Variants in KIF6 observed in about 807,000 individuals in gnomAD.
KIF6 encodes kinesin family member 6.
KIF6 carries 106 observed loss-of-function variants against 112.7 expected under a neutral mutation model. The observed-to-expected ratio is 0.94, with a 90% CI of 0.80 to 1.11. KIF6 has a LOEUF of 1.11. Among genes scored for constraint, KIF6 ranks in the 50% least tolerant of loss-of-function variants. The probability of loss-of-function intolerance (pLI) is 0.00; values close to 1 mark genes in which losing one functional copy is unlikely to be tolerated. For missense variants in KIF6, 929 were observed against 964.0 expected (o/e 0.96, Z 0.48); for synonymous variants, 339 against 339.9 (o/e 1.00, Z 0.03).
intron 13 of KIF6, among the ~76,000 whole-genome samples, chr6:39,486,566 A>T (rs910653304): frequency 2.6e-5 from 4 of 152,236 alleles, no homozygotes; most frequent in African/African-American, 9.6e-5. Flanking sequence ...ATAGTTTGTT[A>T]TGCAATTATA....
chr6:39,356,384 G>GC (rs1325374583), intron 19 of KIF6, among the ~76,000 whole-genome samples: 4 of 151,864 alleles, frequency 2.6e-5, no homozygotes, highest in Non-Finnish European at 5.9e-5. Flanking sequence ...TCCTGCCTCA[G>GC]CCCCCCAAGT....
intron 3 of KIF6, 36 bp from the exon 4 acceptor site, chr6:39,639,793 A>G (rs964072567): frequency 1.3e-6 from 2 of 1,582,840 alleles, no homozygotes; most frequent in Non-Finnish European, 1.7e-6. Context: ...CAATATCAAC[A>G]TGGCTAACTG....
At chr6:39,502,563 A>G (rs1035797405) in intron 13 of KIF6, among the ~76,000 whole-genome samples, 5 of 152,212 alleles carry the variant, frequency 3.3e-5, no homozygotes, top group African/African-American at 1.2e-4. Flanking sequence ...CAGGATAAAA[A>G]ACCTAGACCC....
At chr6:39,576,235 C>G (rs1780968927) in intron 10 of KIF6, among the ~76,000 whole-genome samples, 1 of 152,062 alleles carries the variant, frequency 6.6e-6, no homozygotes, top group Non-Finnish European at 1.5e-5. Flanking sequence ...AGCGATTCTC[C>G]TGCCTCAGCC....
At chr6:39,450,092 C>T (rs1029166657) in intron 13 of KIF6, among the ~76,000 whole-genome samples, 4 of 152,332 alleles carry the variant, frequency 2.6e-5, no homozygotes, top group East Asian at 1.9e-4. Context: ...CAAAATGCCA[C>T]GTATAAATGG....
At chr6:39,722,645 C>T (rs1041305272) in intron 1 of KIF6, among the ~76,000 whole-genome samples, 5 of 152,018 alleles carry the variant, frequency 3.3e-5, no homozygotes, top group African/African-American at 1.2e-4. Flanking sequence ...AAAAAAATTC[C>T]TTTGAGTCAC....
intron 13 of KIF6, among the ~76,000 whole-genome samples, chr6:39,498,588 T>C (rs948280159): frequency 3.3e-5 from 5 of 152,188 alleles, no homozygotes; most frequent in Non-Finnish European, 7.3e-5. Flanking sequence ...TCTATTGTTG[T>C]AGTGTGAAAG....
At chr6:39,581,420 T>C (rs1228443015) in intron 9 of KIF6, among the ~76,000 whole-genome samples, 3 of 151,986 alleles carry the variant, frequency 2.0e-5, no homozygotes, top group Non-Finnish European at 4.4e-5. Context: ...CCTCCCAAAG[T>C]GCTGGGATTA....
chr6:39,577,428 C>A (rs1018067115), intron 10 of KIF6, among the ~76,000 whole-genome samples: 1 of 152,190 alleles, frequency 6.6e-6, no homozygotes, highest in Non-Finnish European at 1.5e-5. Flanking sequence ...TCTTACTACC[C>A]AACACATGCT....
chr6:39,714,846 G>T, intron 2 of KIF6, 80 bp from the exon 3 acceptor site: 1 of 971,968 alleles, frequency 1.0e-6, no homozygotes, highest in Non-Finnish European at 1.6e-6. Flanking sequence ...TTTTCTGAAA[G>T]CTCTATTAAT....
intron 13 of KIF6, among the ~76,000 whole-genome samples, chr6:39,460,831 A>G (rs1276199789): frequency 6.6e-6 from 1 of 152,168 alleles, no homozygotes; most frequent in Admixed American, 6.5e-5. Flanking sequence ...CCAGGTACAT[A>G]AAAATTTCAG....
At chr6:39,521,198 G>C (rs1364824939) in intron 13 of KIF6, among the ~76,000 whole-genome samples, 1 of 152,140 alleles carries the variant, frequency 6.6e-6, no homozygotes, top group East Asian at 1.9e-4. Flanking sequence ...TGGTCAGAGG[G>C]AAGTAACAGT....
At chr6:39,485,323 CA>C (rs2150465007) in intron 13 of KIF6, among the ~76,000 whole-genome samples, 1 of 152,308 alleles carries the variant, frequency 6.6e-6, no homozygotes, top group South Asian at 2.1e-4. Flanking sequence ...AGCTTCTTAT[CA>C]GCAAGATTGT....
chr6:39,504,089 T>C (rs2150498017), intron 13 of KIF6, among the ~76,000 whole-genome samples: 1 of 152,068 alleles, frequency 6.6e-6, no homozygotes, highest in Admixed American at 6.6e-5. Context: ...TTGATGAACA[T>C]TAATGAAAAA....
rs115193098 is a variant in KIF6, at chr6:39,467,714, T to G, written c.1646-36553A>C. On this transcript the variant is annotated intron_variant, in intron 13 of 22. Transcript: ENST00000287152. ...GGGATCAATATCTAGAGCTGCTATA[T>G]TATCTAAAACATCCAATTTTCAATA... Among the ~76,000 whole-genome samples, 671 of 152,302 alleles carry G rather than the reference T, an allele frequency of 4.4e-3. 5 individuals carry two copies. Among genetic ancestry groups the G allele is most frequent in the Middle Eastern group, 0.034 (10 of 294 alleles).
At chr6:39,658,566 T>C (rs1785939666) in intron 3 of KIF6, among the ~76,000 whole-genome samples, 1 of 152,164 alleles carries the variant, frequency 6.6e-6, no homozygotes, top group Admixed American at 6.5e-5. Context: ...TATATATAAA[T>C]TTTTGAAGGA....
At chr6:39,690,844 G>A (rs1788162404) in intron 3 of KIF6, 1 of 152,266 alleles carries the variant, frequency 6.6e-6, no homozygotes. Context: ...TGCAGGCAGA[G>A]GAAAATGCAG....
chr6:39,584,813 G>T, intron 9 of KIF6, 85 bp downstream of exon 9: 1 of 802,632 alleles, frequency 1.2e-6, no homozygotes, highest in Non-Finnish European at 2.1e-6. Context: ...AACATTCCCA[G>T]TACAGAGCAA....
chr6:39,330,409 A>G lies in KIF6; in HGVS notation c.*6123T>C, dbSNP rs1224372022. ...GAAAGTTTTTAGCAAAGCATGTCAA[A>G]GCACAGGTTACCCCCAAAACATGGG... On this transcript the variant is annotated 3_prime_UTR_variant, in exon 23 of 23. Coordinates refer to ENST00000287152, the MANE Select transcript of KIF6 (RefSeq NM_145027.6). 1.3e-5 allele frequency: 2 copies of G among 152,268 alleles called. No homozygotes were observed. Among genetic ancestry groups the G allele is most frequent in the Non-Finnish European group, 2.9e-5 (2 of 68,064 alleles). The allele number at this position is 152,268 out of a possible 1,614,324, so 9.4% of individuals were successfully genotyped here. A position where few individuals can be genotyped will look rare whatever the true frequency, so the allele number is the denominator to read the frequency against.
Sources: allele counts gnomAD v4.1 joint callset (sites outside exome capture counted in the v4.1 genomes callset), GRCh38; gene constraint gnomAD v4.1.1; transcripts MANE v1.5; gene names NCBI Gene and HGNC (gene_info 2026-07-23, HGNC 2026-07-21).